Variants in RIOX2 observed in about 807,000 individuals in gnomAD.
RIOX2 encodes the protein ribosomal oxygenase 2.
RIOX2 carries 43 observed loss-of-function variants against 51.2 expected under a neutral mutation model. That is an observed-to-expected ratio of 0.84 (90% CI 0.66 to 1.08). RIOX2 has a LOEUF of 1.08. Ranked by LOEUF, RIOX2 falls within the 50% of genes least tolerant of loss-of-function variation. The probability of loss-of-function intolerance (pLI) is 0.00; values close to 1 mark genes in which losing one functional copy is unlikely to be tolerated. For synonymous variants in RIOX2, 226 were observed against 218.5 expected (o/e 1.03, Z -0.30); for missense variants, 566 against 561.7 (o/e 1.01, Z -0.08).
At chr3:97,948,383 G>T (rs2040409610) in intron 7 of RIOX2, among the ~76,000 whole-genome samples, 1 of 152,072 alleles carries the variant, frequency 6.6e-6, no homozygotes, top group Admixed American at 6.6e-5. Context: ...CCAAAAAGCT[G>T]GCCTGGCACT....
intron 3 of RIOX2, 44 bp downstream of exon 3, chr3:97,961,545 C>G: frequency 6.4e-7 from 1 of 1,562,458 alleles, no homozygotes; most frequent in Non-Finnish European, 8.6e-7. Context: ...AGGCTCTCAA[C>G]AACTCATTCT....
intron 3 of RIOX2, 130 bp from the exon 4 acceptor site, chr3:97,959,309 T>TG: frequency 3.1e-6 from 2 of 647,656 alleles, no homozygotes; most frequent in East Asian, 3.5e-5. Flanking sequence ...AACACAGGTT[T>TG]TTTTTTTTTT....
chr3:97,961,595 A>G lies in RIOX2; in HGVS notation c.546T>C (p.Asp182=). The part of the protein sequence containing the change: ...GSQGLPPHYD[D]VEVFILQLEG... ...AATTTTCTCCATCTCTTACCTCGAC[A>G]TCATCATAATGGGGCGGCAGGCCCT... Residue 182 remains aspartate, a synonymous_variant, in exon 3 of 10, where the codon GAT becomes GAC. Transcript: ENST00000394198. 1.3e-6 allele frequency: 2 copies of G among 1,598,626 alleles called. No homozygotes were observed. Among genetic ancestry groups the G allele is most frequent in the Non-Finnish European group, 1.7e-6 (2 of 1,175,748 alleles).
intron 5 of RIOX2, 56 bp from the exon 6 acceptor site, chr3:97,950,944 A>T: frequency 8.3e-7 from 1 of 1,202,710 alleles, no homozygotes. Context: ...CATACGAAAT[A>T]TACATAAAAT....
intron 6 of RIOX2, 33 bp from the exon 7 acceptor site, chr3:97,950,048 G>A: frequency 6.2e-7 from 1 of 1,610,964 alleles, no homozygotes; most frequent in South Asian, 1.1e-5. Flanking sequence ...TGGCCCAGAT[G>A]CCAGCAGAAC....
intron 5 of RIOX2, chr3:97,951,215 T>C (rs1373189593): frequency 4.2e-6 from 1 of 237,998 alleles, no homozygotes; most frequent in East Asian, 1.0e-4. Flanking sequence ...GACCAAATTT[T>C]TAACAAAAGT....
Position 97,949,937 on chromosome 3 carries a change from T to C in RIOX2, c.967A>G (p.Lys323Glu), listed in dbSNP as rs147195087. 7.1e-5 allele frequency: 114 copies of C among 1,613,840 alleles called. No individual in the cohort carries two copies. In the African/African-American group the frequency reaches 1.4e-3, roughly 20 times the overall value. Residue 323 changes from lysine (K) to glutamate (E), a missense_variant, in exon 7 of 10, where the codon AAA becomes GAA. Transcript: ENST00000394198. ...TTCATGTCTGAGGAAAGCAGTTCTT[T>C]GGTGCCCTCCAGCCGGTCTGCAAGT... ...RTLADRLEGT[K>E]ELLSSDMKKD...
In RIOX2 at chr3:97,943,449, G is replaced by A; in HGVS notation, c.*1735C>T. The A allele has an allele frequency of 1.6e-6, 1 of 634,528 alleles. No individual in the cohort carries two copies. The highest frequency in any genetic ancestry group is 2.8e-6 in the Non-Finnish European group (1 of 362,284). 39.3% of individuals were successfully genotyped at this position (634,528 alleles called of 1,614,324 possible). A position where few individuals can be genotyped will look rare whatever the true frequency, so the allele number is the denominator to read the frequency against. On this transcript the variant is annotated 3_prime_UTR_variant, in exon 10 of 10. Coordinates refer to ENST00000394198, the MANE Select transcript of RIOX2 (RefSeq NM_153182.4). ...CTGAGCAGAATGAACATTTTCTCCA[G>A]CCTCTGAGACTATCGCTCTTAACCA...
At chr3:97,956,893 G>A (rs1461906900) in intron 4 of RIOX2, among the ~76,000 whole-genome samples, 1 of 152,216 alleles carries the variant, frequency 6.6e-6, no homozygotes, top group Non-Finnish European at 1.5e-5. Context: ...AGAGGAAACT[G>A]AGACTTGGAT....
intron 2 of RIOX2, among the ~76,000 whole-genome samples, chr3:97,966,005 G>C (rs1048012023): frequency 1.2e-4 from 19 of 152,124 alleles, no homozygotes; most frequent in African/African-American, 4.1e-4. Context: ...AGCATTTCAG[G>C]GACATTTCAA....
chr3:97,957,493 C>T (rs1392704340), intron 4 of RIOX2, among the ~76,000 whole-genome samples: 7 of 34,334 alleles, frequency 2.0e-4, no homozygotes, highest in Admixed American at 5.3e-4. Context: ...GAGACTCTGT[C>T]TTAAAAAAAA....
chr3:97,958,734 T>A (rs1255218900), intron 4 of RIOX2, among the ~76,000 whole-genome samples: 1 of 152,196 alleles, frequency 6.6e-6, no homozygotes, highest in African/African-American at 2.4e-5. Flanking sequence ...GAGCTTCCAT[T>A]TTTCCTCTAG....
chr3:97,945,164 C>T lies in RIOX2; in HGVS notation c.*20G>A. ...TAATATATGCATATAAAATAGTAGGCATTTGATTCTGCAAAGGCACTAGAC... is the reference window on the plus strand; with the variant it reads ...TAATATATGCATATAAAATAGTAGGTATTTGATTCTGCAAAGGCACTAGAC... On this transcript the variant is annotated 3_prime_UTR_variant, in exon 10 of 10. Coordinates refer to ENST00000394198, the MANE Select transcript of RIOX2 (RefSeq NM_153182.4). The T allele has an allele frequency of 1.3e-6, 2 of 1,586,956 alleles. No homozygotes were observed. The highest frequency in any genetic ancestry group is 1.7e-6 in the Non-Finnish European group (2 of 1,169,258).
chr3:97,951,942 C>T (rs760293557), intron 5 of RIOX2, among the ~76,000 whole-genome samples: 2 of 152,178 alleles, frequency 1.3e-5, no homozygotes, highest in Non-Finnish European at 2.9e-5. Context: ...AGGTGGAAGT[C>T]ATACAGCAAC....
Position 97,950,841 on chromosome 3 carries a change from T to G in RIOX2, c.833A>C (p.Asp278Ala). Residue 278 changes from aspartate (D) to alanine (A), a missense_variant, in exon 6 of 10, where the codon GAT (aspartate) becomes GCT (alanine). Transcript: ENST00000394198. ...LLDTISGLVF[D>A]TAKEDVELRT... ...TAACTCCACGTCTTCCTTTGCAGTA[T>G]CAAATACAAGCCCCGAGATGGTATC... 1 of 1,613,516 alleles carries G rather than the reference T, an allele frequency of 6.2e-7. No individual in the cohort carries two copies. Among genetic ancestry groups the G allele is most frequent in the South Asian group, 1.1e-5 (1 of 91,046 alleles).
intron 7 of RIOX2, among the ~76,000 whole-genome samples, chr3:97,948,595 C>T (rs892680230): frequency 2.0e-5 from 3 of 152,320 alleles, no homozygotes; most frequent in Non-Finnish European, 4.4e-5. Context: ...TGAGTGACCA[C>T]TTCCGCTTTA....
At chr3:97,957,237 G>A (rs867117635) in intron 4 of RIOX2, among the ~76,000 whole-genome samples, 9 of 152,130 alleles carry the variant, frequency 5.9e-5, no homozygotes, top group South Asian at 2.1e-4. Flanking sequence ...AGTGGCTCAC[G>A]CCTGTAATCC....
rs1454192719 is a variant in RIOX2 at position 97,949,853 on chromosome 3, A to G, written c.1051T>C (p.Ser351Pro). 6.2e-7 allele frequency: 1 copy of G among 1,613,474 alleles called. No individual in the cohort carries two copies. The highest frequency in any genetic ancestry group is 2.2e-5 in the East Asian group (1 of 44,856). The change falls in exon 7 of 10, where the codon TCA becomes CCA. Residue 351 changes from serine to proline, a missense_variant. Transcript: ENST00000394198. ...AAACAGCAAGCTCCACCTGGTGTTG[A>G]CAGCTCTGCCCCATCTCCCGCAGAG... ...PYSAGDGAEL[S>P]TPGGKLPRLD... is the part of the protein sequence containing the mutation.
Position 97,942,183 on chromosome 3 carries a change from A to G in RIOX2, c.*3001T>C, listed in dbSNP as rs2040246192. 2 of 993,700 alleles carry G rather than the reference A, an allele frequency of 2.0e-6. No homozygotes were observed. Among genetic ancestry groups the G allele is most frequent in the Non-Finnish European group, 2.9e-6 (2 of 691,682 alleles). The allele number at this position is 993,700 out of a possible 1,614,324, so 61.6% of individuals were successfully genotyped here. On this transcript the variant is annotated 3_prime_UTR_variant, in exon 10 of 10. Transcript: ENST00000394198. ...ATTTTTTTAGATAAGACACACACAC[A>G]CTTCATGTCTATGACTTGTTTACCT... is the stretch of plus-strand genomic sequence containing the variant.
Sources: gnomAD v4.1 joint callset for allele counts (sites outside exome capture counted in the v4.1 genomes callset) on GRCh38, gnomAD v4.1.1 for gene constraint, MANE v1.5 for transcripts, NCBI Gene and HGNC (gene_info 2026-07-23, HGNC 2026-07-21) for gene names.